Variants in TCF12 observed in about 807,000 individuals in gnomAD.
The protein encoded by TCF12 is DNA-binding protein HTF4.
A neutral mutation model predicts 86.0 loss-of-function variants in TCF12; 45 were observed. The observed-to-expected ratio is 0.52, with a 90% CI of 0.41 to 0.67. TCF12 has a LOEUF of 0.67. TCF12 is among the 30% of genes least tolerant of loss of function. The pLI is 0.00. For missense variants in TCF12, 881 were observed against 859.9 expected (o/e 1.02, Z -0.31); for synonymous variants, 330 against 299.6 (o/e 1.10, Z -1.05).
chr15:57,219,513 A>G (rs746941271), intron 8 of TCF12: 1 of 1,610,500 alleles, frequency 6.2e-7, no homozygotes, highest in Non-Finnish European at 8.5e-7. Flanking sequence ...TAACATTTTC[A>G]AAATCAACAT....
chr15:57,003,667 T>C (rs1390583974), intron 3 of TCF12, among the ~76,000 whole-genome samples: 1 of 152,236 alleles, frequency 6.6e-6, no homozygotes, highest in African/African-American at 2.4e-5. Context: ...GTGACTCAGA[T>C]TTTTTGTTAT....
Position 57,282,534 on chromosome 15 carries a change from C to T in TCF12, c.2068C>T (p.Pro690Ser), listed in dbSNP as rs2061739586. 6.2e-7 allele frequency: 1 copy of T among 1,614,220 alleles called. No homozygotes were observed. The highest frequency in any genetic ancestry group is 1.3e-5 in the African/African-American group (1 of 75,058). Residue 690 changes from proline (P) to serine (S), a missense_variant, in exon 20 of 21, where the codon CCA becomes TCA. Around this residue, in one of 3 missense-constraint regions of TCF12, gnomAD observed 69 missense variants for 64.2 expected, o/e 1.07. Coordinates refer to ENST00000333725, the MANE Select transcript of TCF12 (RefSeq NM_207037.2). ...AVSAEPPTTLPGTHPGLSETT... is the reference protein window; with the variant it reads ...AVSAEPPTTLSGTHPGLSETT... ...ATCGGCAGAGCCGCCAACCACACTG[C>T]CAGGAACCCATCCTGGGCTTAGTGA...
In TCF12 at chr15:57,075,835, T is replaced by TTTCTCTCTTTTCTTTCTTTCTTTCTTTC. The variant is rs1555498796; in HGVS notation, c.222+12014_222+12015insCTCTCTTTTCTTTCTTTCTTTCTTTCTT. Reference sequence around the variant, plus strand: ...CTCTCTCTCTCTCTCTCTCTCTCTCTTTTCTTTCTTTCTTTCTTTCTTTCT... The same window carrying TTTCTCTCTTTTCTTTCTTTCTTTCTTTC: ...CTCTCTCTCTCTCTCTCTCTCTCTCTTTCTCTCTTTTCTTTCTTTCTTTCTTTCTTTCTTTCTTTCTTTCTTTCTTTCT... On this transcript the variant is annotated intron_variant, in intron 4 of 20. Coordinates refer to ENST00000333725, the MANE Select transcript of TCF12 (RefSeq NM_207037.2). Among the ~76,000 whole-genome samples, 23 of 50,020 alleles carry TTTCTCTCTTTTCTTTCTTTCTTTCTTTC rather than the reference T, an allele frequency of 4.6e-4. 1 individual carries two copies. In the South Asian group the frequency reaches 6.0e-3, roughly 13 times the overall value. 32.8% of individuals were successfully genotyped at this position (50,020 alleles called of 152,430 possible).
intron 3 of TCF12, among the ~76,000 whole-genome samples, chr15:57,019,175 A>G (rs2065328276): frequency 6.6e-6 from 1 of 152,242 alleles, no homozygotes; most frequent in Non-Finnish European, 1.5e-5. Context: ...GCAACTTGTT[A>G]GCAGACAATA....
chr15:57,105,908 G>T (rs1469674169), intron 5 of TCF12, among the ~76,000 whole-genome samples: 2 of 152,162 alleles, frequency 1.3e-5, no homozygotes, highest in African/African-American at 4.8e-5. Context: ...GTTATAAGGG[G>T]TATTTAAAAA....
chr15:57,169,093 A>G (rs2593244), intron 6 of TCF12, among the ~76,000 whole-genome samples: 1 of 152,184 alleles, frequency 6.6e-6, no homozygotes, highest in Non-Finnish European at 1.5e-5. Context: ...CATCATTTGG[A>G]CAATGAATGA....
chr15:57,282,726 T>C (rs548050527), intron 20 of TCF12, 128 bp downstream of exon 20: 9 of 1,159,604 alleles, frequency 7.8e-6, no homozygotes, highest in Non-Finnish European at 9.6e-6. Flanking sequence ...TAATTTGAAA[T>C]ATAACAGTTT....
intron 3 of TCF12, among the ~76,000 whole-genome samples, chr15:57,054,363 A>T (rs1424471711): frequency 3.3e-5 from 5 of 152,236 alleles, no homozygotes; most frequent in Non-Finnish European, 5.9e-5. Context: ...CTGACTTATG[A>T]TCCTAATGGG....
chr15:56,964,912 T>C (rs2061935391), intron 3 of TCF12, among the ~76,000 whole-genome samples: 1 of 152,242 alleles, frequency 6.6e-6, no homozygotes, highest in South Asian at 2.1e-4. Context: ...GATAATGTCC[T>C]GTATCAGGGA....
At chr15:57,175,476 T>C (rs532300222) in intron 6 of TCF12, among the ~76,000 whole-genome samples, 6 of 152,374 alleles carry the variant, frequency 3.9e-5, no homozygotes, top group East Asian at 1.9e-4. Context: ...TCTAGACTTA[T>C]GTTGTATGGT....
chr15:56,936,982 AT>A (rs566278209), intron 3 of TCF12, among the ~76,000 whole-genome samples: 7 of 150,842 alleles, frequency 4.6e-5, no homozygotes, highest in African/African-American at 1.5e-4. Context: ...GAATTTTAGG[AT>A]TTTTTTTTCC....
intron 4 of TCF12, among the ~76,000 whole-genome samples, chr15:57,075,173 A>C (rs2069774028): frequency 6.6e-6 from 1 of 152,252 alleles, no homozygotes; most frequent in African/African-American, 2.4e-5. Flanking sequence ...AGCTGTCCTG[A>C]ACCAAATATC....
At chr15:57,214,246 A>G (rs1313633094) in intron 8 of TCF12, 2 of 152,208 alleles carry the variant, frequency 1.3e-5, no homozygotes, top group East Asian at 1.9e-4. Context: ...ACATATTCTC[A>G]GTAATTATAT....
At chr15:57,203,961 C>T (rs2057684732) in intron 8 of TCF12, among the ~76,000 whole-genome samples, 1 of 152,172 alleles carries the variant, frequency 6.6e-6, no homozygotes, top group Non-Finnish European at 1.5e-5. Context: ...CTCCATTGCA[C>T]TCCAGCCTGG....
At chr15:57,149,610 A>G (rs2053600336) in intron 5 of TCF12, among the ~76,000 whole-genome samples, 1 of 152,352 alleles carries the variant, frequency 6.6e-6, no homozygotes, top group Non-Finnish European at 1.5e-5. Flanking sequence ...TAGTTTAACA[A>G]AGTTTTTAGA....
At chr15:57,261,066 C>T (rs1306820381) in intron 16 of TCF12, among the ~76,000 whole-genome samples, 5 of 151,974 alleles carry the variant, frequency 3.3e-5, no homozygotes, top group Admixed American at 1.3e-4. Flanking sequence ...TCTAATACAT[C>T]GTGAAATTGT....
intron 3 of TCF12, among the ~76,000 whole-genome samples, chr15:56,936,262 G>C (rs1420000841): frequency 3.3e-5 from 5 of 151,890 alleles, no homozygotes; most frequent in African/African-American, 1.2e-4. Context: ...TATGTTTGTT[G>C]GCCATTTGTA....
chr15:57,100,423 C>CTTTTTTT (rs571976256), intron 5 of TCF12, among the ~76,000 whole-genome samples: 1 of 130,848 alleles, frequency 7.6e-6, no homozygotes, highest in Non-Finnish European at 1.6e-5. Flanking sequence ...TTCACTTCCT[C>CTTTTTTT]TTTTTTTTTT....
rs1350906 is a variant in TCF12 at position 57,234,385 on chromosome 15, T to C, written c.1035+278T>C. 0.98 allele frequency among the ~76,000 whole-genome samples: 149,343 copies of C among 152,316 alleles called. 73,289 individuals carry two copies. The highest frequency in any genetic ancestry group is 1 in the East Asian group (5,188 of 5,188). Reference sequence around the variant, plus strand: ...TTCTAAATACATAGTTAGTAAGTGGTCCATTAAAATAAGTCAAGTGGAACC... The same window carrying C: ...TTCTAAATACATAGTTAGTAAGTGGCCCATTAAAATAAGTCAAGTGGAACC... On this transcript the variant is annotated intron_variant, in intron 12 of 20. Transcript: ENST00000333725.
Sources: allele counts gnomAD v4.1 joint callset (sites outside exome capture counted in the v4.1 genomes callset), GRCh38; gene constraint gnomAD v4.1.1; regional missense constraint gnomAD v4.1.1; transcripts MANE v1.5; gene names NCBI Gene and HGNC (gene_info 2026-07-23, HGNC 2026-07-21).